The following ARHGEF17 variants were observed in gnomAD, a reference collection of about 807,000 sequenced individuals.
The protein encoded by ARHGEF17 is Rho guanine nucleotide exchange factor 17.
ARHGEF17 carries 80 observed loss-of-function variants against 174.0 expected under a neutral mutation model. The observed-to-expected ratio is 0.46, with a 90% CI of 0.38 to 0.55. The LOEUF is 0.55. ARHGEF17 is among the 20% of genes least tolerant of loss of function. The pLI, the probability that ARHGEF17 is intolerant of heterozygous loss-of-function variation, is 0.00. For synonymous variants in ARHGEF17, 1,311 were observed against 1,189.1 expected, an observed-to-expected ratio of 1.10 and a Z score of -2.11; for missense variants, 2,886 against 2,839.7, an observed-to-expected ratio of 1.02 and a Z score of -0.37.
At chr11:73,350,283 G>A (rs896859925) in intron 2 of ARHGEF17, among the ~76,000 whole-genome samples, 5 of 152,190 alleles carry the variant, frequency 3.3e-5, no homozygotes, top group African/African-American at 4.8e-5. Context: ...TGCCCACTAT[G>A]TGCCAGGCAC....
At position 73,363,429 on chromosome 11, in the gene ARHGEF17, C is replaced by T. The variant is rs768579157; in HGVS notation, c.5220C>T (p.Ser1740=). 8.7e-6 allele frequency: 14 copies of T among 1,613,088 alleles called. No homozygotes were observed. Among genetic ancestry groups the T allele is most frequent in the African/African-American group, 2.7e-5 (2 of 74,922 alleles). ...TCGACCCTGAGGCCTACCAGAGCTC[C>T]GTGTGGCTGGGCACTGAGGATGGCT... ...LSVDPEAYQS[S]VWLGTEDGCV... Residue 1740 remains serine (S), a synonymous_variant, in exon 15 of 21, where the codon TCC becomes TCT. Coordinates refer to ENST00000263674, the MANE Select transcript of ARHGEF17 (RefSeq NM_014786.4).
intron 2 of ARHGEF17, among the ~76,000 whole-genome samples, chr11:73,350,375 A>C (rs1402018976): frequency 2.6e-5 from 4 of 152,190 alleles, no homozygotes; most frequent in South Asian, 2.1e-4. Flanking sequence ...CAGCTGAGAC[A>C]CAGAGAAGTA....
At chr11:73,328,403 A>T (rs1865138251) in intron 1 of ARHGEF17, among the ~76,000 whole-genome samples, 1 of 152,144 alleles carries the variant, frequency 6.6e-6, no homozygotes, top group South Asian at 2.1e-4. Context: ...TGCCATACAG[A>T]TGGGGGCCCA....
At chr11:73,355,327 G>C (rs1249221883) in intron 3 of ARHGEF17, among the ~76,000 whole-genome samples, 1 of 152,210 alleles carries the variant, frequency 6.6e-6, no homozygotes, top group African/African-American at 2.4e-5. Flanking sequence ...GATAATATGA[G>C]CACTCGTATA....
At chr11:73,340,913 G>A (rs1239158298) in intron 1 of ARHGEF17, among the ~76,000 whole-genome samples, 1 of 152,214 alleles carries the variant, frequency 6.6e-6, no homozygotes, top group East Asian at 1.9e-4. Context: ...TCCATCCGCA[G>A]GGAAGCCCAC....
chr11:73,343,124 C>A, intron 1 of ARHGEF17: 1 of 382,084 alleles, frequency 2.6e-6, no homozygotes, highest in Non-Finnish European at 4.6e-6. Flanking sequence ...CGCCCCCGCC[C>A]CAGCGGCTGG....
At chr11:73,336,231 C>T (rs1466904829) in intron 1 of ARHGEF17, among the ~76,000 whole-genome samples, 2 of 152,188 alleles carry the variant, frequency 1.3e-5, no homozygotes, top group Admixed American at 6.5e-5. Flanking sequence ...CTTCCTGGAG[C>T]CTTTGTTTCC....
At chr11:73,349,637 AAAAC>A (rs1460693498) in intron 2 of ARHGEF17, among the ~76,000 whole-genome samples, 2 of 152,134 alleles carry the variant, frequency 1.3e-5, no homozygotes, top group African/African-American at 4.8e-5. Flanking sequence ...CAAAACAAAA[AAAAC>A]AAAAGGTGAT....
At chr11:73,329,648 C>T (rs111524354) in intron 1 of ARHGEF17, among the ~76,000 whole-genome samples, 12,589 of 151,908 alleles carry the variant, frequency 0.083, 1,693 homozygotes, top group African/African-American at 0.28. Flanking sequence ...GATCCGCCTG[C>T]CTCAGCCTCC....
At chr11:73,352,603 G>A (rs1024554493) in intron 2 of ARHGEF17, among the ~76,000 whole-genome samples, 8 of 152,156 alleles carry the variant, frequency 5.3e-5, no homozygotes, top group African/African-American at 9.7e-5. Flanking sequence ...CTTCCTGAGC[G>A]TCCTTGCTCC....
intron 12 of ARHGEF17, 62 bp from the exon 13 acceptor site, chr11:73,361,978 G>GT (rs1236891302): frequency 6.4e-7 from 1 of 1,572,486 alleles, no homozygotes; most frequent in Non-Finnish European, 8.7e-7. Context: ...TTTCCCAGGA[G>GT]TGGGGAATGC....
chr11:73,356,777 A>G lies in ARHGEF17; in HGVS notation c.3891+18A>G. 1.2e-6 allele frequency: 2 copies of G among 1,614,136 alleles called. No individual in the cohort carries two copies. Among genetic ancestry groups the G allele is most frequent in the Admixed American group, 1.7e-5 (1 of 60,030 alleles). On this transcript the variant is annotated intron_variant, in intron 7 of 20. Transcript: ENST00000263674. Reference sequence around the variant, plus strand: ...TTGAAGTGGTAAGAAGTGTCCCAGTATCTGTCCGGCTGTCCCCACCTCCTC... The same window carrying G: ...TTGAAGTGGTAAGAAGTGTCCCAGTGTCTGTCCGGCTGTCCCCACCTCCTC...
intron 13 of ARHGEF17, 68 bp downstream of exon 13, chr11:73,362,307 T>C: frequency 6.9e-7 from 1 of 1,451,356 alleles, no homozygotes; most frequent in African/African-American, 1.4e-5. Context: ...CCCAGCACAC[T>C]CTCAGGCCGC....
At chr11:73,344,710 G>A (rs560773491) in intron 1 of ARHGEF17, among the ~76,000 whole-genome samples, 6 of 152,340 alleles carry the variant, frequency 3.9e-5, no homozygotes, top group South Asian at 4.1e-4. Flanking sequence ...ATGGGAGGGC[G>A]GGGTTATTAG....
chr11:73,318,970 C>G (rs1158275907), intron 1 of ARHGEF17, among the ~76,000 whole-genome samples: 1 of 152,248 alleles, frequency 6.6e-6, no homozygotes, highest in Non-Finnish European at 1.5e-5. Flanking sequence ...TTACCATCCT[C>G]TCCTGGCTGC....
At chr11:73,351,882 C>T (rs1209350560) in intron 2 of ARHGEF17, among the ~76,000 whole-genome samples, 1 of 152,130 alleles carries the variant, frequency 6.6e-6, no homozygotes, top group East Asian at 1.9e-4. Flanking sequence ...CGCGCCCTGC[C>T]GCATTATCGC....
At chr11:73,329,045 A>G (rs1347465949) in intron 1 of ARHGEF17, among the ~76,000 whole-genome samples, 1 of 151,938 alleles carries the variant, frequency 6.6e-6, no homozygotes, top group East Asian at 1.9e-4. Flanking sequence ...AATTAAATTT[A>G]TATATTTAAT....
intron 1 of ARHGEF17, among the ~76,000 whole-genome samples, chr11:73,343,765 C>T (rs1309650943): frequency 6.6e-6 from 1 of 152,162 alleles, no homozygotes. Context: ...GGGGAGGCGT[C>T]TTGGGGCTGT....
Position 73,311,564 on chromosome 11 carries a change from A to T in ARHGEF17, c.2926A>T (p.Thr976Ser). The T allele has an allele frequency of 6.2e-7, 1 of 1,613,484 alleles. No homozygotes were observed. Residue 976 changes from threonine to serine, a missense_variant, in exon 1 of 21, where the codon ACT becomes TCT. Thr to Ser is a moderately conservative substitution (Grantham distance 58). This residue lies in a region of ARHGEF17 where 1,728 missense variants were observed against 1,461.2 expected (regional missense o/e 1.18). Transcript: ENST00000263674. ...GCCTATTGTGGTGCCTGAGCCACCA[A>T]CTTCTGTTGGTCCCCCTGTGGCTGT... ...FMPIVVPEPP[T>S]SVGPPVAVPE...
Sources: allele counts gnomAD v4.1 joint callset (sites outside exome capture counted in the v4.1 genomes callset), GRCh38; gene constraint gnomAD v4.1.1; regional missense constraint gnomAD v4.1.1; transcripts MANE v1.5; gene names NCBI Gene and HGNC (gene_info 2026-07-23, HGNC 2026-07-21).